The following ZDHHC17 variants were observed in gnomAD, a reference collection of about 807,000 sequenced individuals.
ZDHHC17 encodes zDHHC palmitoyltransferase 17.
ZDHHC17 carries 40 observed loss-of-function variants against 90.3 expected under a neutral mutation model. That is an observed-to-expected ratio of 0.44 (90% CI 0.34 to 0.58). The LOEUF (loss-of-function observed/expected upper bound fraction) is 0.58. Among genes scored for constraint, ZDHHC17 ranks in the 20% least tolerant of loss-of-function variants. The pLI is 0.01. For synonymous variants in ZDHHC17, 235 were observed against 252.4 expected (o/e 0.93, Z 0.65); for missense variants, 614 against 780.8 (o/e 0.79, Z 2.55).
chr12:76,845,985 G>C (rs1335749163), intron 13 of ZDHHC17, among the ~76,000 whole-genome samples, 183 bp downstream of exon 13: 1 of 152,156 alleles, frequency 6.6e-6, no homozygotes, highest in East Asian at 1.9e-4. Flanking sequence ...TACAAAATTA[G>C]TGGCTGATAC....
intron 1 of ZDHHC17, among the ~76,000 whole-genome samples, chr12:76,774,760 T>C (rs1952539078): frequency 6.6e-6 from 1 of 152,198 alleles, no homozygotes; most frequent in Non-Finnish European, 1.5e-5. Context: ...CCTTATGAGA[T>C]TAAATGAGTT....
At chr12:76,795,121 C>T (rs1952803108) in intron 1 of ZDHHC17, among the ~76,000 whole-genome samples, 1 of 152,016 alleles carries the variant, frequency 6.6e-6, no homozygotes, top group Non-Finnish European at 1.5e-5. Flanking sequence ...TATACATGCA[C>T]AGTGATGCTC....
At chr12:76,778,853 T>C (rs1321856373) in intron 1 of ZDHHC17, among the ~76,000 whole-genome samples, 1 of 152,224 alleles carries the variant, frequency 6.6e-6, no homozygotes, top group Non-Finnish European at 1.5e-5. Flanking sequence ...AAATTTTTTT[T>C]CTCCAGTTTT....
chr12:76,815,766 G>A, intron 6 of ZDHHC17, 91 bp from the exon 7 acceptor site: 2 of 1,327,576 alleles, frequency 1.5e-6, no homozygotes, highest in Non-Finnish European at 2.0e-6. Context: ...GAATGCTACT[G>A]TAAGCATAAT....
At chr12:76,819,972 A>G (rs530131180) in intron 7 of ZDHHC17, among the ~76,000 whole-genome samples, 1 of 147,410 alleles carries the variant, frequency 6.8e-6, no homozygotes, top group African/African-American at 2.5e-5. Flanking sequence ...AAGCCTGGGC[A>G]ACAAGAGTGA....
chr12:76,775,523 A>G (rs565104003), intron 1 of ZDHHC17, among the ~76,000 whole-genome samples: 107 of 152,332 alleles, frequency 7.0e-4, no homozygotes, highest in African/African-American at 2.5e-3. Context: ...TAAAAATCTA[A>G]GTAAGTCTGT....
At chr12:76,823,765 T>A (rs1333908698) in intron 8 of ZDHHC17, among the ~76,000 whole-genome samples, 1 of 152,162 alleles carries the variant, frequency 6.6e-6, no homozygotes, top group Non-Finnish European at 1.5e-5. Flanking sequence ...AGTTGAAAAG[T>A]CCCCTGGTCC....
At chr12:76,776,872 CTT>C (rs1351650542) in intron 1 of ZDHHC17, among the ~76,000 whole-genome samples, 1 of 152,072 alleles carries the variant, frequency 6.6e-6, no homozygotes, top group Non-Finnish European at 1.5e-5. Flanking sequence ...TACTGTGTAA[CTT>C]TTTATTGAGG....
chr12:76,815,095 T>C, intron 5 of ZDHHC17, 51 bp from the exon 6 acceptor site: 2 of 1,390,266 alleles, frequency 1.4e-6, no homozygotes, highest in African/African-American at 2.9e-5. Context: ...GCAAATTTGG[T>C]TAGGAACTTA....
chr12:76,805,481 TTA>T (rs1952945202), intron 3 of ZDHHC17, 42 bp downstream of exon 3: 1 of 1,249,660 alleles, frequency 8.0e-7, no homozygotes. Context: ...ACTTGACTTT[TTA>T]TGGTTATAAA....
intron 8 of ZDHHC17, among the ~76,000 whole-genome samples, chr12:76,823,896 T>C (rs1953196017): frequency 6.6e-6 from 1 of 152,122 alleles, no homozygotes; most frequent in African/African-American, 2.4e-5. Flanking sequence ...TTAGATATGA[T>C]ATAGAAAATG....
In ZDHHC17 at chr12:76,819,993, TAAAAA is replaced by T. The variant is rs71085459; in HGVS notation, c.772-2397_772-2393del. Among the ~76,000 whole-genome samples the T allele has an allele frequency of 5.0e-5, 7 of 140,776 alleles. 1 individual carries two copies. Among genetic ancestry groups the T allele is most frequent in the Admixed American group, 3.5e-4 (5 of 14,222 alleles). 92.4% of individuals were successfully genotyped at this position (140,776 alleles called of 152,430 possible). On this transcript the variant is annotated intron_variant, in intron 7 of 16. Transcript: ENST00000426126. The stretch of plus-strand genomic sequence containing the variant: ...GGGCAACAAGAGTGAAACTATGTCT[TAAAAA>T]AAAAAAAAAAAAAAAGACAATTTAT...
chr12:76,783,592 A>AC (rs1477252396), intron 1 of ZDHHC17, among the ~76,000 whole-genome samples: 1 of 152,236 alleles, frequency 6.6e-6, no homozygotes, highest in Non-Finnish European at 1.5e-5. Flanking sequence ...ACAGAGCCAA[A>AC]CCGTATCACC....
intron 3 of ZDHHC17, among the ~76,000 whole-genome samples, chr12:76,806,220 G>A (rs1369744141): frequency 2.0e-5 from 3 of 151,852 alleles, no homozygotes; most frequent in Non-Finnish European, 4.4e-5. Flanking sequence ...TCATACTCCC[G>A]AGTAGCTTGG....
Position 76,846,365 on chromosome 12 carries a change from C to A in ZDHHC17, c.1424-231C>A. The A allele has an allele frequency of 6.3e-6, 3 of 473,080 alleles. No homozygotes were observed. The South Asian group carries it at 1.1e-4, about 18-fold the overall frequency. 29.3% of individuals were successfully genotyped at this position (473,080 alleles called of 1,614,324 possible). On this transcript the variant is annotated intron_variant, in intron 13 of 16. Transcript: ENST00000426126. ...GGTCAGAATTGTGATTTATTTAGTT[C>A]TTTGGGACTTGAACACCATTGTCAT...
intron 15 of ZDHHC17, 26 bp from the exon 16 acceptor site, chr12:76,849,350 A>AAAAAAAAAT: frequency 8.1e-7 from 1 of 1,236,536 alleles, no homozygotes; most frequent in Non-Finnish European, 1.1e-6. Flanking sequence ...AACAAGAATA[A>AAAAAAAAAT]TGGTTTGCTT....
intron 12 of ZDHHC17, among the ~76,000 whole-genome samples, chr12:76,843,701 A>G (rs1953462135): frequency 6.6e-6 from 1 of 152,092 alleles, no homozygotes. Flanking sequence ...CAGTGCTTAA[A>G]TTATGTTTTT....
intron 1 of ZDHHC17, among the ~76,000 whole-genome samples, chr12:76,782,391 T>C (rs934343180): frequency 6.6e-6 from 1 of 152,224 alleles, no homozygotes; most frequent in African/African-American, 2.4e-5. Flanking sequence ...GGCCTGCTGC[T>C]GCATTCCTGG....
intron 1 of ZDHHC17, chr12:76,781,492 G>T (rs1278711767): frequency 1.0e-5 from 4 of 385,650 alleles, no homozygotes; most frequent in African/African-American, 8.3e-5. Context: ...CTGCCTTCAT[G>T]AATGGATTAA....
Sources: allele counts gnomAD v4.1 joint callset (sites outside exome capture counted in the v4.1 genomes callset), GRCh38; gene constraint gnomAD v4.1.1; transcripts MANE v1.5; gene names NCBI Gene and HGNC (gene_info 2026-07-23, HGNC 2026-07-21).